Variants in RHEB observed in about 807,000 individuals in gnomAD.
RHEB encodes the protein GTP-binding protein Rheb.
A neutral mutation model predicts 28.8 loss-of-function variants in RHEB; 2 were observed. That is an observed-to-expected ratio of 0.07 (90% CI 0.03 to 0.22). The LOEUF is 0.22. Ranked by LOEUF, RHEB falls within the 10% of genes least tolerant of loss-of-function variation. RHEB has a pLI of 1.00. For synonymous variants in RHEB, 69 were observed against 77.3 expected (o/e 0.89, Z 0.56); for missense variants, 76 against 219.9 (o/e 0.35, Z 4.14).
chr7:151,494,570 CA>C (rs1240327631), intron 1 of RHEB, among the ~76,000 whole-genome samples: 4 of 152,172 alleles, frequency 2.6e-5, no homozygotes, highest in African/African-American at 9.7e-5. Context: ...GTAGTCTAAC[CA>C]AAATCACATC....
chr7:151,480,494 G>A (rs1299338500), intron 3 of RHEB, among the ~76,000 whole-genome samples: 4 of 151,472 alleles, frequency 2.6e-5, no homozygotes, highest in Admixed American at 2.6e-4. Flanking sequence ...GTGGTTGCTG[G>A]TGGGGGTGGG....
rs184829248 is a variant in RHEB, at chr7:151,482,572, A to G, written c.192+2165T>C. Among the ~76,000 whole-genome samples, 170 of 152,338 alleles carry G rather than the reference A, an allele frequency of 1.1e-3. 5 individuals are homozygous for G. The highest frequency in any genetic ancestry group is 0.011 in the Admixed American group (161 of 15,302). ...AACATTACATGAAAGTGATTTATCA[A>G]TTTACATTCTCATCACCAGTTTTCA... On this transcript the variant is annotated intron_variant, in intron 3 of 7. Coordinates refer to ENST00000262187, the MANE Select transcript of RHEB (RefSeq NM_005614.4).
intron 7 of RHEB, among the ~76,000 whole-genome samples, chr7:151,469,840 C>T (rs761544669): frequency 1.3e-5 from 2 of 151,936 alleles, no homozygotes; most frequent in Admixed American, 1.3e-4. Flanking sequence ...CAGGACCAGG[C>T]GAAGGGTTCT....
intron 2 of RHEB, among the ~76,000 whole-genome samples, chr7:151,485,152 A>C (rs978104878): frequency 6.6e-6 from 1 of 152,248 alleles, no homozygotes; most frequent in Non-Finnish European, 1.5e-5. Context: ...TGAGGTCTAG[A>C]ATAAACCAAA....
At chr7:151,467,929 T>G (rs1251915459) in intron 7 of RHEB, among the ~76,000 whole-genome samples, 1 of 152,072 alleles carries the variant, frequency 6.6e-6, no homozygotes, top group Non-Finnish European at 1.5e-5. Context: ...TTATACAGAT[T>G]GGAGGTTTCT....
At chr7:151,517,356 G>A (rs1255677917) in intron 1 of RHEB, among the ~76,000 whole-genome samples, 4 of 137,178 alleles carry the variant, frequency 2.9e-5, no homozygotes, top group Non-Finnish European at 4.6e-5. Flanking sequence ...TCACAAGAGC[G>A]AAACTCCGTC....
At chr7:151,506,212 G>A (rs1451145386) in intron 1 of RHEB, among the ~76,000 whole-genome samples, 1 of 149,156 alleles carries the variant, frequency 6.7e-6, no homozygotes, top group African/African-American at 2.5e-5. Flanking sequence ...TTTGAGACAG[G>A]GTCTCTATCT....
chr7:151,499,137 C>T (rs1045278925), intron 1 of RHEB, among the ~76,000 whole-genome samples: 1 of 152,136 alleles, frequency 6.6e-6, no homozygotes, highest in Non-Finnish European at 1.5e-5. Flanking sequence ...GAGGCCAAGG[C>T]GGGTGGACTG....
At position 151,468,484 on chromosome 7, in the gene RHEB, C is replaced by T. The variant is rs532315538; in HGVS notation, c.463-1273G>A. ...CTCACACCCATGACCAGGAACCTGG[C>T]GCAGACACTTGGTGCTGCCTAGCCA... On this transcript the variant is annotated intron_variant, in intron 7 of 7. Transcript: ENST00000262187. This position sits in a 1 kb window ranked among gnomAD's most constrained non-coding sequence, Gnocchi z 4.3. 3.3e-5 allele frequency among the ~76,000 whole-genome samples: 5 copies of T among 152,364 alleles called. No individual in the cohort carries two copies. The highest frequency in any genetic ancestry group is 1.2e-4 in the African/African-American group (5 of 41,602).
chr7:151,488,541 T>C (rs1485652709), intron 2 of RHEB, among the ~76,000 whole-genome samples: 2 of 152,244 alleles, frequency 1.3e-5, no homozygotes, highest in African/African-American at 4.8e-5. Context: ...GAACAATGTT[T>C]TTCTACCAAA....
At chr7:151,499,192 A>G (rs1802727339) in intron 1 of RHEB, among the ~76,000 whole-genome samples, 1 of 152,210 alleles carries the variant, frequency 6.6e-6, no homozygotes, top group Non-Finnish European at 1.5e-5. Context: ...CCCAGTCTCT[A>G]CTAAAAATAC....
chr7:151,502,570 A>G lies in RHEB; in HGVS notation c.53-11556T>C, dbSNP rs142926569. The stretch of plus-strand genomic sequence containing the variant: ...ATACGTCATTGTATTGTGTGACAAC[A>G]AATTCCATAAAGGGGCTCTTACAGC... On this transcript the variant is annotated intron_variant, in intron 1 of 7. Coordinates refer to ENST00000262187, the MANE Select transcript of RHEB (RefSeq NM_005614.4). 1.7e-3 allele frequency: 2,028 copies of G among 1,181,628 alleles called. 13 individuals carry two copies. Among genetic ancestry groups the G allele is most frequent in the Middle Eastern group, 0.014 (53 of 3,750 alleles). The allele number at this position is 1,181,628 out of a possible 1,614,324, so 73.2% of individuals were successfully genotyped here.
chr7:151,507,416 C>T (rs1802904455), intron 1 of RHEB, among the ~76,000 whole-genome samples: 1 of 151,682 alleles, frequency 6.6e-6, no homozygotes, highest in Non-Finnish European at 1.5e-5. Context: ...TATAGTGTCA[C>T]TAAGGAAGTG....
chr7:151,484,061 C>T (rs1802424768), intron 3 of RHEB, among the ~76,000 whole-genome samples: 1 of 152,126 alleles, frequency 6.6e-6, no homozygotes, highest in Admixed American at 6.5e-5. Context: ...CTCAAATCCA[C>T]CCACCCAGAG....
chr7:151,473,172 T>C (rs574012537), intron 4 of RHEB, among the ~76,000 whole-genome samples: 1 of 152,236 alleles, frequency 6.6e-6, no homozygotes, highest in East Asian at 1.9e-4. Context: ...TGCGGTTAGG[T>C]TATAAAAGAC....
intron 7 of RHEB, among the ~76,000 whole-genome samples, chr7:151,469,269 T>C (rs1802117032): frequency 6.6e-6 from 1 of 152,210 alleles, no homozygotes; most frequent in African/African-American, 2.4e-5. Context: ...CACAGGATAC[T>C]TGGGCTGACG....
intron 1 of RHEB, chr7:151,502,183 G>A: frequency 2.3e-6 from 1 of 444,300 alleles, no homozygotes; most frequent in East Asian, 4.3e-5. Context: ...TGGCAGTGAG[G>A]CAAGATCACG....
chr7:151,473,164 C>A (rs778407297), intron 4 of RHEB, among the ~76,000 whole-genome samples: 1 of 152,184 alleles, frequency 6.6e-6, no homozygotes. Flanking sequence ...GTCCCTTTTG[C>A]GGTTAGGTTA....
At chr7:151,483,105 G>A (rs1325649665) in intron 3 of RHEB, among the ~76,000 whole-genome samples, 1 of 152,198 alleles carries the variant, frequency 6.6e-6, no homozygotes, top group East Asian at 1.9e-4. Context: ...GGAGGCACAT[G>A]CTATAGCTCT....
Sources: gnomAD v4.1 joint callset for allele counts (sites outside exome capture counted in the v4.1 genomes callset) on GRCh38, gnomAD v4.1.1 for gene constraint, Gnocchi (gnomAD v3.1) non-coding constraint, MANE v1.5 for transcripts, NCBI Gene and HGNC (gene_info 2026-07-23, HGNC 2026-07-21) for gene names.